The following NAT1 variants were observed in gnomAD, a reference collection of about 807,000 sequenced individuals.
NAT1 encodes arylamine N-acetyltransferase 1.
For synonymous variants in NAT1, 144 were observed against 122.6 expected, an observed-to-expected ratio of 1.17 and a Z score of -1.16; for missense variants, 400 against 339.2, an observed-to-expected ratio of 1.18 and a Z score of -1.41.
At position 18,223,027 on chromosome 8, in the gene NAT1, T is replaced by C. The variant is rs1805513276; in HGVS notation, c.*107T>C. The C allele has an allele frequency of 3.5e-6, 3 of 845,428 alleles. No homozygotes were observed. The highest frequency in any genetic ancestry group is 3.3e-6 in the Non-Finnish European group (2 of 613,410). The allele number at this position is 845,428 out of a possible 1,614,324, so 52.4% of individuals were successfully genotyped here. A position where few individuals can be genotyped will look rare whatever the true frequency, so the allele number is the denominator to read the frequency against. On this transcript the variant is annotated 3_prime_UTR_variant, in exon 3 of 3. Transcript: ENST00000307719. The stretch of plus-strand genomic sequence containing the variant: ...CCTTACCTTATTTTGAAGAAAATCC[T>C]AGACATCAAATCATTTCACCTATAA...
At chr8:18,219,586 G>A in intron 2 of NAT1, 97 bp downstream of exon 2, 1 of 653,528 alleles carries the variant, frequency 1.5e-6, no homozygotes, top group Non-Finnish European at 2.7e-6. Flanking sequence ...TGAAAGGGAG[G>A]GATGTATCAC....
intron 2 of NAT1, among the ~76,000 whole-genome samples, chr8:18,181,578 T>G (rs1802520878): frequency 6.6e-6 from 1 of 152,218 alleles, no homozygotes; most frequent in African/African-American, 2.4e-5. Flanking sequence ...GTCTGATTAC[T>G]CTGGCTACAA....
chr8:18,170,815 G>A (rs1469039781), intron 2 of NAT1: 3 of 151,824 alleles, frequency 2.0e-5, no homozygotes, highest in Non-Finnish European at 4.4e-5. Flanking sequence ...CCTCTCTCTG[G>A]GATTCTAACT....
At chr8:18,196,745 C>T (rs1803250624) in intron 2 of NAT1, among the ~76,000 whole-genome samples, 1 of 152,148 alleles carries the variant, frequency 6.6e-6, no homozygotes, top group African/African-American at 2.4e-5. Flanking sequence ...CATTTAGAAA[C>T]ACCTGACTGT....
Position 18,223,355 on chromosome 8 carries a change from G to A in NAT1, c.*435G>A, listed in dbSNP as rs1805547317. On this transcript the variant is annotated 3_prime_UTR_variant, in exon 3 of 3. Coordinates refer to ENST00000307719, the MANE Select transcript of NAT1 (RefSeq NM_000662.8). ...TTTTTTGGAAGACTTAGGATATTAT[G>A]GTGCTACATAATTTTTCCTCGATGC... The A allele has an allele frequency of 6.0e-6, 1 of 166,962 alleles. No individual in the cohort carries two copies. Among genetic ancestry groups the A allele is most frequent in the South Asian group, 2.1e-4 (1 of 4,830 alleles). The allele number at this position is 166,962 out of a possible 1,614,324, so 10.3% of individuals were successfully genotyped here.
At chr8:18,203,182 G>A (rs1803553261) in intron 2 of NAT1, among the ~76,000 whole-genome samples, 1 of 152,106 alleles carries the variant, frequency 6.6e-6, no homozygotes, top group East Asian at 1.9e-4. Flanking sequence ...TTGTATGTAT[G>A]TACATTTCAC....
intron 1 of NAT1, among the ~76,000 whole-genome samples, chr8:18,217,212 T>A (rs1490429408): frequency 1.3e-5 from 2 of 152,238 alleles, no homozygotes; most frequent in African/African-American, 4.8e-5. Context: ...GGTATCCAGT[T>A]TCTACAACAG....
intron 2 of NAT1, among the ~76,000 whole-genome samples, chr8:18,185,925 C>T (rs1041491710): frequency 1.3e-5 from 2 of 152,000 alleles, no homozygotes; most frequent in African/African-American, 4.8e-5. Flanking sequence ...TTATAAGTGT[C>T]CTCCTAAATT....
chr8:18,193,987 C>A lies in NAT1; in HGVS notation n.93-15794C>A, dbSNP rs1158609370. Among the ~76,000 whole-genome samples, 3 of 152,148 alleles carry A rather than the reference C, an allele frequency of 2.0e-5. No individual in the cohort carries two copies. The East Asian group carries it at 5.8e-4, about 29-fold the overall frequency. ...CAAAAATATACACGGTTGCATGCAT[C>A]TCCATCACGTCCTCTTTCAAACCTG... On this transcript the variant is annotated intron_variant and non_coding_transcript_variant, in intron 2 of 4. Transcript: ENST00000517441.
chr8:18,209,829 C>T (rs1803906098), upstream of NAT1: 1 of 152,204 alleles, frequency 6.6e-6, no homozygotes, highest in Non-Finnish European at 1.5e-5. Context: ...TCACGTTCCA[C>T]ATCACACATG....
At chr8:18,181,185 T>A (rs1802500274) in intron 2 of NAT1, among the ~76,000 whole-genome samples, 1 of 152,124 alleles carries the variant, frequency 6.6e-6, no homozygotes, top group Admixed American at 6.6e-5. Context: ...TTCATCAATG[T>A]TTTATATTTT....
intron 1 of NAT1, chr8:18,212,725 G>A (rs1398852754): frequency 6.6e-6 from 1 of 152,386 alleles, no homozygotes; most frequent in Non-Finnish European, 1.5e-5. Context: ...GAACACAGAA[G>A]GCAGGCCAGG....
chr8:18,177,621 A>C (rs1802339469), intron 2 of NAT1, among the ~76,000 whole-genome samples: 2 of 152,114 alleles, frequency 1.3e-5, no homozygotes, highest in African/African-American at 4.8e-5. Flanking sequence ...ATATGTGTTA[A>C]TGATAAATGC....
chr8:18,205,671 C>A (rs1457640209), upstream of NAT1, among the ~76,000 whole-genome samples: 2 of 152,182 alleles, frequency 1.3e-5, no homozygotes, highest in Non-Finnish European at 2.9e-5. Context: ...CAGACACATG[C>A]CAGCAAAGCA....
chr8:18,176,011 G>T (rs890428121), intron 2 of NAT1, among the ~76,000 whole-genome samples: 7 of 151,950 alleles, frequency 4.6e-5, no homozygotes, highest in African/African-American at 1.7e-4. Context: ...CTGTTATTTT[G>T]AGAAATGCCT....
intron 1 of NAT1, among the ~76,000 whole-genome samples, chr8:18,215,788 C>T (rs1804597516): frequency 6.6e-6 from 1 of 151,990 alleles, no homozygotes; most frequent in South Asian, 2.1e-4. Flanking sequence ...TTATTTGCTG[C>T]TTGAATCTGG....
intron 2 of NAT1, among the ~76,000 whole-genome samples, chr8:18,187,999 A>T (rs1317742140): frequency 1.4e-5 from 2 of 148,112 alleles, no homozygotes; most frequent in Non-Finnish European, 3.0e-5. Context: ...CACATGAGAC[A>T]GCACTATTGT....
chr8:18,196,650 A>AT (rs1473555541), intron 2 of NAT1, among the ~76,000 whole-genome samples: 2 of 152,156 alleles, frequency 1.3e-5, no homozygotes, highest in Non-Finnish European at 2.9e-5. Context: ...AGCTCTTAGT[A>AT]TTTTTTCTCT....
intron 2 of NAT1, among the ~76,000 whole-genome samples, chr8:18,174,947 T>C (rs904660391): frequency 1.3e-5 from 2 of 152,120 alleles, no homozygotes; most frequent in Non-Finnish European, 2.9e-5. Flanking sequence ...GGCAACACAA[T>C]CTCAGAACAA....
Sources: gnomAD v4.1 joint callset for allele counts (sites outside exome capture counted in the v4.1 genomes callset) on GRCh38, gnomAD v4.1.1 for gene constraint, MANE v1.5 for transcripts, NCBI Gene and HGNC (gene_info 2026-07-23, HGNC 2026-07-21) for gene names.